Variants in TSHZ2 observed in about 807,000 individuals in gnomAD.
The protein encoded by TSHZ2 is teashirt homolog 2.
In TSHZ2, 21 loss-of-function variants were observed where a neutral mutation model predicts 74.4. That is an observed-to-expected ratio of 0.28 (90% CI 0.20 to 0.41). The LOEUF (loss-of-function observed/expected upper bound fraction) is 0.41. Ranked by LOEUF, TSHZ2 falls within the 10% of genes least tolerant of loss-of-function variation. TSHZ2 has a pLI of 1.00. For synonymous variants in TSHZ2, 540 were observed against 515.3 expected, an observed-to-expected ratio of 1.05 and a Z score of -0.65; for missense variants, 1,244 against 1,293.5, an observed-to-expected ratio of 0.96 and a Z score of 0.59.
In TSHZ2 at chr20:53,381,192, G is replaced by T. The variant is rs376803454; in HGVS notation, c.*9-105952G>T. Among the ~76,000 whole-genome samples the T allele has an allele frequency of 1.4e-3, 207 of 152,332 alleles. 4 individuals carry two copies. In the South Asian group the frequency reaches 0.029, roughly 21 times the overall value. On this transcript the variant is annotated intron_variant, in intron 2 of 2. Coordinates refer to ENST00000371497, the MANE Select transcript of TSHZ2 (RefSeq NM_173485.6). ...ATCATGAAGTTAGTCCACAGCACAT[G>T]TTAATTACTGCTAGTTTTCTAGGCC...
chr20:53,237,196 G>C (rs1435183261), intron 1 of TSHZ2, among the ~76,000 whole-genome samples: 2 of 152,122 alleles, frequency 1.3e-5, no homozygotes, highest in Non-Finnish European at 2.9e-5. Flanking sequence ...AAGCAAACAG[G>C]GTTCTTATGA....
intron 1 of TSHZ2, among the ~76,000 whole-genome samples, chr20:53,039,287 C>G (rs2123091612): frequency 7.2e-6 from 1 of 138,634 alleles, no homozygotes; most frequent in East Asian, 2.3e-4. Context: ...CTGTTCCCAG[C>G]CATCCTTGAT....
intron 1 of TSHZ2, among the ~76,000 whole-genome samples, chr20:52,987,759 A>G (rs138711811): frequency 1.6e-3 from 246 of 152,264 alleles, no homozygotes; most frequent in African/African-American, 5.4e-3. Flanking sequence ...TAAGAAGGAG[A>G]AAGACAAGCA....
chr20:53,031,006 A>T (rs1306613284), intron 1 of TSHZ2, among the ~76,000 whole-genome samples: 2 of 152,138 alleles, frequency 1.3e-5, no homozygotes, highest in African/African-American at 4.8e-5. Flanking sequence ...TGTGGGCTTT[A>T]TTTTTTTTAA....
intron 1 of TSHZ2, among the ~76,000 whole-genome samples, chr20:53,015,039 A>C (rs1030177559): frequency 6.6e-6 from 1 of 152,098 alleles, no homozygotes; most frequent in African/African-American, 2.4e-5. Flanking sequence ...CCCACACTGC[A>C]TGGTGGCCAC....
At chr20:53,048,241 T>C (rs1336690638) in intron 1 of TSHZ2, among the ~76,000 whole-genome samples, 1 of 152,210 alleles carries the variant, frequency 6.6e-6, no homozygotes, top group African/African-American at 2.4e-5. Context: ...CCTTTCCCGT[T>C]GTTCTTTGAT....
At chr20:53,457,344 A>G (rs1245035265) in intron 2 of TSHZ2, among the ~76,000 whole-genome samples, 19 of 116,818 alleles carry the variant, frequency 1.6e-4, no homozygotes, top group Non-Finnish European at 1.7e-5. Flanking sequence ...TTCACTCATG[A>G]TTTGGCTCTC....
At chr20:53,294,087 A>G (rs973621282) in intron 2 of TSHZ2, among the ~76,000 whole-genome samples, 2 of 152,182 alleles carry the variant, frequency 1.3e-5, no homozygotes, top group African/African-American at 4.8e-5. Context: ...TGTGGTGTAA[A>G]TACTTCCACA....
intron 2 of TSHZ2, among the ~76,000 whole-genome samples, chr20:53,469,057 A>T (rs868652815): frequency 8.9e-6 from 1 of 112,112 alleles, no homozygotes; most frequent in African/African-American, 3.8e-5. Context: ...ATATATATAT[A>T]TATATATATA....
At position 53,254,074 on chromosome 20, in the gene TSHZ2, G is replaced by T; in HGVS notation, c.616G>T (p.Gly206Trp). The stretch of plus-strand genomic sequence containing the variant: ...GTACCGACAGAGCAGCAAGATGTGC[G>T]GGACTGTGTTCACAGGGGCCAGCAG... ...QLYRQSSKMCGTVFTGASRFR... is the reference protein window; with the variant it reads ...QLYRQSSKMCWTVFTGASRFR... Residue 206 changes from glycine to tryptophan, a missense_variant, in exon 2 of 3, where the codon GGG (glycine) becomes TGG (tryptophan). Gly to Trp is a radical substitution (Grantham distance 184, BLOSUM62 -2). Around this residue, in one of 6 missense-constraint regions of TSHZ2, gnomAD observed 470 missense variants for 456.5 expected, o/e 1.03. Coordinates refer to ENST00000371497, the MANE Select transcript of TSHZ2 (RefSeq NM_173485.6). The T allele has an allele frequency of 6.2e-7, 1 of 1,614,106 alleles. No homozygotes were observed. Among genetic ancestry groups the T allele is most frequent in the Admixed American group, 1.7e-5 (1 of 60,026 alleles).
chr20:53,240,981 G>A (rs987408300), intron 1 of TSHZ2, among the ~76,000 whole-genome samples: 1 of 152,186 alleles, frequency 6.6e-6, no homozygotes, highest in Non-Finnish European at 1.5e-5. Flanking sequence ...TAAATCACCA[G>A]ATAGTGCTGT....
intron 1 of TSHZ2, among the ~76,000 whole-genome samples, chr20:53,175,802 AC>A (rs1170115793): frequency 6.6e-6 from 1 of 152,190 alleles, no homozygotes; most frequent in Non-Finnish European, 1.5e-5. Flanking sequence ...TTAGCATGTC[AC>A]AAAGACTGAC....
chr20:53,143,570 T>C (rs555011681), intron 1 of TSHZ2, among the ~76,000 whole-genome samples: 1 of 152,154 alleles, frequency 6.6e-6, no homozygotes, highest in South Asian at 2.1e-4. Context: ...CGGGCACCTG[T>C]AGTCCCAGCT....
At chr20:53,373,685 G>T (rs1280924456) in intron 2 of TSHZ2, among the ~76,000 whole-genome samples, 1 of 152,182 alleles carries the variant, frequency 6.6e-6, no homozygotes, top group Non-Finnish European at 1.5e-5. Context: ...TGGCTTGGCT[G>T]TGAAATCTTA....
chr20:53,212,725 A>G (rs1989342480), intron 1 of TSHZ2, among the ~76,000 whole-genome samples: 2 of 152,280 alleles, frequency 1.3e-5, no homozygotes, highest in South Asian at 4.1e-4. Context: ...CTTCATTTAC[A>G]AAAGATTCTC....
chr20:53,041,081 A>G (rs1984023721), intron 1 of TSHZ2, among the ~76,000 whole-genome samples: 2 of 152,202 alleles, frequency 1.3e-5, no homozygotes, highest in South Asian at 4.1e-4. Context: ...TTGTGCACTA[A>G]TTACCAGACA....
At chr20:53,420,716 T>C (rs1983438741) in intron 2 of TSHZ2, among the ~76,000 whole-genome samples, 1 of 152,068 alleles carries the variant, frequency 6.6e-6, no homozygotes, top group Non-Finnish European at 1.5e-5. Context: ...TGAGCCGAGA[T>C]TGTGCCACTG....
At chr20:53,284,227 A>G (rs1193150929) in intron 2 of TSHZ2, among the ~76,000 whole-genome samples, 1 of 152,220 alleles carries the variant, frequency 6.6e-6, no homozygotes, top group Non-Finnish European at 1.5e-5. Flanking sequence ...CCTCCATCTT[A>G]GTTACGCACG....
intron 1 of TSHZ2, among the ~76,000 whole-genome samples, chr20:53,050,149 A>G (rs9753627): frequency 0.012 from 1,062 of 92,294 alleles, 34 homozygotes; most frequent in African/African-American, 0.036. Flanking sequence ...GTGTATATAT[A>G]TATACACATA....
Sources: allele counts gnomAD v4.1 joint callset (sites outside exome capture counted in the v4.1 genomes callset), GRCh38; gene constraint gnomAD v4.1.1; regional missense constraint gnomAD v4.1.1; transcripts MANE v1.5; gene names NCBI Gene and HGNC (gene_info 2026-07-23, HGNC 2026-07-21).